The following IL1RAPL1 variants were observed in gnomAD, a reference collection of about 807,000 sequenced individuals.
IL1RAPL1 encodes the protein interleukin-1 receptor accessory protein-like 1.
IL1RAPL1 carries 3 observed loss-of-function variants against 48.4 expected under a neutral mutation model. The observed-to-expected ratio is 0.06, with a 90% CI of 0.03 to 0.16. The LOEUF (loss-of-function observed/expected upper bound fraction) is 0.16, where lower values mean the gene tolerates loss of function less well. IL1RAPL1 is among the 10% of genes least tolerant of loss of function. IL1RAPL1 has a pLI of 1.00. For synonymous variants in IL1RAPL1, 185 were observed against 187.7 expected (o/e 0.99, Z 0.12); for missense variants, 349 against 530.6 (o/e 0.66, Z 3.36).
intron 5 of IL1RAPL1, among the ~76,000 whole-genome samples, chrX:29,571,804 C>T (rs1922605278): frequency 1.8e-5 from 2 of 111,552 alleles, no homozygotes; most frequent in African/African-American, 6.5e-5. Flanking sequence ...ATGTCCCTTC[C>T]TCCCTACAAT....
chrX:29,077,278 G>A (rs749404181), intron 2 of IL1RAPL1, among the ~76,000 whole-genome samples: 1 of 111,487 alleles, frequency 9.0e-6, no homozygotes, highest in South Asian at 3.8e-4. Flanking sequence ...TTTGAAAGCT[G>A]TTGGAAATAG....
At chrX:29,238,590 T>G (rs1445257749) in intron 2 of IL1RAPL1, among the ~76,000 whole-genome samples, 1 of 111,912 alleles carries the variant, frequency 8.9e-6, no homozygotes, top group African/African-American at 3.3e-5. Context: ...AATCACTCTC[T>G]CATCCAACAT....
intron 6 of IL1RAPL1, among the ~76,000 whole-genome samples, chrX:29,706,911 C>T (rs1190226942): frequency 9.0e-6 from 1 of 110,755 alleles, no homozygotes; most frequent in Non-Finnish European, 1.9e-5. Flanking sequence ...AACCCAAAAG[C>T]AAATGTAAAA....
chrX:29,263,869 C>G (rs372190603), intron 2 of IL1RAPL1, among the ~76,000 whole-genome samples: 4 of 99,851 alleles, frequency 4.0e-5, no homozygotes, highest in South Asian at 6.2e-4. Flanking sequence ...CTCCCCCCCC[C>G]CCGCTCTCAT....
intron 3 of IL1RAPL1, among the ~76,000 whole-genome samples, chrX:29,296,143 A>C (rs947528703): frequency 8.9e-6 from 1 of 112,050 alleles, no homozygotes; most frequent in African/African-American, 3.2e-5. Context: ...GCTGTGGTGC[A>C]TAAATTGCAT....
Position 29,083,407 on chromosome X carries a change from A to C in IL1RAPL1, c.83-199531A>C, listed in dbSNP as rs982048895. On this transcript the variant is annotated intron_variant, in intron 2 of 10. Coordinates refer to ENST00000378993, the MANE Select transcript of IL1RAPL1 (RefSeq NM_014271.4). ...CCTATTTAGGATGCAATTATAATGC[A>C]TAAGAGATCACTGTGCTCTAATAAA... is the stretch of plus-strand genomic sequence containing the variant. Among the ~76,000 whole-genome samples the C allele has an allele frequency of 3.6e-5, 4 of 112,156 alleles. No individual in the cohort carries two copies. In the Admixed American group the frequency reaches 3.8e-4, roughly 11 times the overall value.
rs143793382 is a variant in IL1RAPL1, at chrX:29,144,135, A to G, written c.83-138803A>G. On this transcript the variant is annotated intron_variant, in intron 2 of 10. Coordinates refer to ENST00000378993, the MANE Select transcript of IL1RAPL1 (RefSeq NM_014271.4). ...CAAGTGAAAATTGGAGTGAGGCAAG[A>G]TGGGTTTCCAGGAGACCAGAGAGGC... Among the ~76,000 whole-genome samples, 710 of 111,582 alleles carry G rather than the reference A, an allele frequency of 6.4e-3. 7 individuals carry two copies. The highest frequency in any genetic ancestry group is 0.022 in the African/African-American group (665 of 30,704).
intron 6 of IL1RAPL1, among the ~76,000 whole-genome samples, chrX:29,765,627 C>T (rs1001571926): frequency 1.8e-5 from 2 of 112,141 alleles, no homozygotes; most frequent in African/African-American, 6.5e-5. Context: ...GCAATATGCA[C>T]TGTCATCAAG....
At chrX:28,982,491 C>T (rs534759345) in intron 2 of IL1RAPL1, among the ~76,000 whole-genome samples, 4 of 112,251 alleles carry the variant, frequency 3.6e-5, no homozygotes, top group Admixed American at 1.9e-4. Context: ...GTTCATATGG[C>T]GCTCTTCAGT....
chrX:29,804,836 C>T (rs2056074142), intron 6 of IL1RAPL1, among the ~76,000 whole-genome samples: 1 of 111,937 alleles, frequency 8.9e-6, no homozygotes, highest in Non-Finnish European at 1.9e-5. Flanking sequence ...AGCTCAAGCT[C>T]AACATGAACT....
intron 2 of IL1RAPL1, among the ~76,000 whole-genome samples, chrX:29,206,685 T>C (rs2147538394): frequency 8.9e-6 from 1 of 111,949 alleles, no homozygotes; most frequent in East Asian, 2.8e-4. Context: ...ATAAAACACA[T>C]TTTCCCCCTG....
chrX:29,328,668 C>CAG (rs911772524), intron 3 of IL1RAPL1, among the ~76,000 whole-genome samples: 1 of 102,050 alleles, frequency 9.8e-6, no homozygotes, highest in Non-Finnish European at 2.0e-5. Context: ...GAGAGAGAGA[C>CAG]AGAGAGAGAG....
At chrX:29,399,102 C>A in intron 4 of IL1RAPL1, 53 bp from the exon 5 acceptor site, 1 of 980,305 alleles carries the variant, frequency 1.0e-6, no homozygotes, top group South Asian at 2.0e-5. Context: ...TAAAACTGTT[C>A]TATATTTTTC....
intron 5 of IL1RAPL1, among the ~76,000 whole-genome samples, chrX:29,414,706 A>AT (rs768343100): frequency 9.0e-5 from 10 of 111,050 alleles, no homozygotes; most frequent in East Asian, 2.8e-4. Flanking sequence ...CATATCAAAG[A>AT]TTTTTTTTTA....
chrX:28,660,821 A>C (rs1167892490), intron 1 of IL1RAPL1, among the ~76,000 whole-genome samples: 4 of 112,011 alleles, frequency 3.6e-5, no homozygotes, highest in Non-Finnish European at 5.6e-5. Context: ...ACATCGAATA[A>C]GTCAGCAAGT....
chrX:29,626,590 A>C (rs183984136), intron 5 of IL1RAPL1, among the ~76,000 whole-genome samples: 24 of 112,288 alleles, frequency 2.1e-4, no homozygotes, highest in African/African-American at 7.1e-4. Flanking sequence ...AGCTGTTGGC[A>C]GAAGTTGTTT....
intron 6 of IL1RAPL1, among the ~76,000 whole-genome samples, chrX:29,745,698 C>T (rs918624993): frequency 4.5e-5 from 5 of 110,029 alleles, no homozygotes; most frequent in Admixed American, 9.8e-5. Context: ...CCACCCACCT[C>T]GGCCTCCCAA....
intron 1 of IL1RAPL1, among the ~76,000 whole-genome samples, chrX:28,641,629 T>C (rs1934542932): frequency 8.9e-6 from 1 of 111,749 alleles, no homozygotes; most frequent in East Asian, 2.8e-4. Flanking sequence ...TTCTACATCT[T>C]TGAGGAATCG....
intron 8 of IL1RAPL1, among the ~76,000 whole-genome samples, chrX:29,920,829 GAA>G (rs1445660022): frequency 1.3e-5 from 1 of 74,276 alleles, no homozygotes; most frequent in Non-Finnish European, 2.6e-5. Flanking sequence ...GAAAAGAAAA[GAA>G]AGAAAAGAGA....
Sources: allele counts gnomAD v4.1 joint callset (sites outside exome capture counted in the v4.1 genomes callset), GRCh38; gene constraint gnomAD v4.1.1; transcripts MANE v1.5; gene names NCBI Gene and HGNC (gene_info 2026-07-23, HGNC 2026-07-21).